Variants in SAMMSON observed in about 807,000 individuals in gnomAD.
The protein encoded by SAMMSON is long intergenic non-protein coding RNA 1212.
intron 3 of SAMMSON, among the ~76,000 whole-genome samples, chr3:70,045,039 A>AT (rs989147723): frequency 2.4e-5 from 3 of 125,088 alleles, no homozygotes; most frequent in African/African-American, 9.3e-5. Flanking sequence ...ATATATTATA[A>AT]TTAATATATA....
At chr3:70,203,549 A>T (rs544787785) in intron 4 of SAMMSON, among the ~76,000 whole-genome samples, 12 of 152,238 alleles carry the variant, frequency 7.9e-5, no homozygotes, top group African/African-American at 2.9e-4. Flanking sequence ...ATACTAAGTA[A>T]ATTTGGGCTT....
At chr3:70,313,784 C>A (rs892917397) in intron 7 of SAMMSON, among the ~76,000 whole-genome samples, 3 of 152,052 alleles carry the variant, frequency 2.0e-5, no homozygotes, top group Non-Finnish European at 4.4e-5. Context: ...CTTCATCAGC[C>A]AATTTTCTTA....
intron 7 of SAMMSON, among the ~76,000 whole-genome samples, chr3:70,314,927 T>A (rs1219188614): frequency 6.6e-6 from 1 of 152,156 alleles, no homozygotes; most frequent in Non-Finnish European, 1.5e-5. Context: ...AACAGTTTTT[T>A]AAATTTTCTG....
intron 2 of SAMMSON, among the ~76,000 whole-genome samples, chr3:70,398,898 A>G (rs961195052): frequency 4.6e-5 from 7 of 152,244 alleles, no homozygotes; most frequent in Admixed American, 2.0e-4. Context: ...TTATATTGCT[A>G]GAACTTTCAT....
At chr3:70,045,500 C>T (rs2067123249) in intron 3 of SAMMSON, among the ~76,000 whole-genome samples, 1 of 151,526 alleles carries the variant, frequency 6.6e-6, no homozygotes, top group Non-Finnish European at 1.5e-5. Context: ...TGCCCTGCCA[C>T]CATTAATATA....
intron 7 of SAMMSON, among the ~76,000 whole-genome samples, chr3:70,319,326 T>C (rs1222982539): frequency 6.6e-6 from 1 of 152,050 alleles, no homozygotes; most frequent in Non-Finnish European, 1.5e-5. Flanking sequence ...AGCTCATCTT[T>C]TGTGTTTCCC....
intron 3 of SAMMSON, among the ~76,000 whole-genome samples, chr3:70,063,805 C>T (rs2067199451): frequency 6.6e-6 from 1 of 152,054 alleles, no homozygotes; most frequent in Non-Finnish European, 1.5e-5. Context: ...TGCTGGGTTA[C>T]CCATCAGCAA....
intron 4 of SAMMSON, among the ~76,000 whole-genome samples, chr3:70,173,970 T>A (rs1700984374): frequency 6.6e-6 from 1 of 151,938 alleles, no homozygotes; most frequent in Non-Finnish European, 1.5e-5. Context: ...TCTGAATGGC[T>A]GATTAGCAAC....
chr3:70,289,605 C>A (rs1368680863), intron 6 of SAMMSON, among the ~76,000 whole-genome samples: 1 of 149,872 alleles, frequency 6.7e-6, no homozygotes, highest in East Asian at 2.0e-4. Context: ...GAACGTTGGC[C>A]TGCCTTGCTA....
chr3:70,002,065 AG>A (rs1278835420), intron 1 of SAMMSON, among the ~76,000 whole-genome samples: 2 of 152,210 alleles, frequency 1.3e-5, no homozygotes, highest in African/African-American at 4.8e-5. Context: ...TGCCTGCATG[AG>A]TCTTCTTTAT....
chr3:70,319,625 GGATAGTAGT>G (rs1702522069), intron 7 of SAMMSON, among the ~76,000 whole-genome samples: 3 of 152,014 alleles, frequency 2.0e-5, no homozygotes, highest in African/African-American at 2.4e-5. Context: ...AGTTTTAGAA[GGATAGTAGT>G]TTTTAATGTA....
At chr3:70,123,801 G>C (rs2067444703) in intron 4 of SAMMSON, among the ~76,000 whole-genome samples, 1 of 152,254 alleles carries the variant, frequency 6.6e-6, no homozygotes, top group African/African-American at 2.4e-5. Context: ...TGTGTTGGGG[G>C]CAGGGAGAGT....
chr3:70,126,201 T>C, intron 4 of SAMMSON: 3 of 1,101,950 alleles, frequency 2.7e-6, no homozygotes, highest in Non-Finnish European at 4.0e-6. Flanking sequence ...CATTTTCTAC[T>C]GTTAAATAAC....
intron 4 of SAMMSON, among the ~76,000 whole-genome samples, chr3:70,226,047 G>T (rs1701503517): frequency 6.6e-6 from 1 of 151,946 alleles, no homozygotes. Context: ...TTCCAGGATG[G>T]ATTAATCAAC....
At chr3:70,262,486 G>T (rs1022875223) in intron 6 of SAMMSON, among the ~76,000 whole-genome samples, 1 of 152,162 alleles carries the variant, frequency 6.6e-6, no homozygotes, top group African/African-American at 2.4e-5. Context: ...GCTCTTCAGT[G>T]TTTATTATGG....
At chr3:70,252,282 C>G (rs192981133) in intron 6 of SAMMSON, among the ~76,000 whole-genome samples, 1 of 152,086 alleles carries the variant, frequency 6.6e-6, no homozygotes, top group East Asian at 1.9e-4. Flanking sequence ...GTATATGTAT[C>G]GTATGCTGTG....
At chr3:70,053,718 ACTACAT>A (rs1293386927) in intron 3 of SAMMSON, among the ~76,000 whole-genome samples, 1 of 152,082 alleles carries the variant, frequency 6.6e-6, no homozygotes, top group South Asian at 2.1e-4. Flanking sequence ...TTCCCATTAT[ACTACAT>A]ATCTGGGGGT....
intron 6 of SAMMSON, among the ~76,000 whole-genome samples, chr3:70,285,444 A>G (rs1378703844): frequency 2.0e-5 from 3 of 151,944 alleles, no homozygotes; most frequent in Admixed American, 2.0e-4. Flanking sequence ...CATTTTCTTA[A>G]TCCAGTCTAT....
intron 4 of SAMMSON, among the ~76,000 whole-genome samples, chr3:70,140,796 G>A (rs189828150): frequency 2.0e-5 from 3 of 152,108 alleles, no homozygotes; most frequent in Non-Finnish European, 1.5e-5. Flanking sequence ...AATGAGAATT[G>A]CCTTTCTTCC....
Sources: allele counts gnomAD v4.1 joint callset (sites outside exome capture counted in the v4.1 genomes callset), GRCh38; gene constraint gnomAD v4.1.1; transcripts MANE v1.5; gene names NCBI Gene and HGNC (gene_info 2026-07-23, HGNC 2026-07-21).